The following NUMB variants were observed in gnomAD, a reference collection of about 807,000 sequenced individuals.
NUMB encodes NUMB endocytic adaptor protein, also known as protein numb homolog.
In NUMB, 29 loss-of-function variants were observed where a neutral mutation model predicts 59.7. The observed-to-expected ratio is 0.49, with a 90% CI of 0.36 to 0.66. NUMB has a LOEUF of 0.66. Ranked by LOEUF, NUMB falls within the 30% of genes least tolerant of loss-of-function variation. NUMB has a pLI of 0.00. For synonymous variants in NUMB, 288 were observed against 288.2 expected (o/e 1.00, Z 0.01); for missense variants, 723 against 822.0 (o/e 0.88, Z 1.47).
chr14:73,398,477 A>T (rs561713002), intron 2 of NUMB, among the ~76,000 whole-genome samples: 66 of 151,352 alleles, frequency 4.4e-4, no homozygotes, highest in African/African-American at 1.4e-3. Context: ...AAATATAGCC[A>T]AGGTTAATAG....
chr14:73,367,344 T>TAGAGAGAGAGAGAGAGAG (rs1480182542), intron 2 of NUMB, among the ~76,000 whole-genome samples: 128 of 84,124 alleles, frequency 1.5e-3, no homozygotes, highest in Non-Finnish European at 2.0e-3. Flanking sequence ...TATATATATA[T>TAGAGAGAGAGAGAGAGAG]ATATAGAGAG....
chr14:73,286,078 G>C (rs1158717649), intron 9 of NUMB: 5 of 151,838 alleles, frequency 3.3e-5, no homozygotes, highest in African/African-American at 1.2e-4. Flanking sequence ...CTGGAGGAGT[G>C]CAGTGGTATG....
At chr14:73,451,872 T>G (rs1566804398) in intron 1 of NUMB, among the ~76,000 whole-genome samples, 1 of 152,154 alleles carries the variant, frequency 6.6e-6, no homozygotes, top group Non-Finnish European at 1.5e-5. Flanking sequence ...TGTTCCAAAT[T>G]AACTATAATT....
At chr14:73,282,872 A>G (rs967718313) in intron 10 of NUMB, among the ~76,000 whole-genome samples, 2 of 152,208 alleles carry the variant, frequency 1.3e-5, no homozygotes, top group Admixed American at 1.3e-4. Context: ...ATGCCTTCCA[A>G]CGTGTTCTCA....
rs138998477 is a variant in NUMB at position 73,422,848 on chromosome 14, C to T, written c.-232-12780G>A. ...CACCTCCAACCTGGGAATCACATTT[C>T]AACGTCAGATGTGGAAGGGACAAAC... On this transcript the variant is annotated intron_variant, in intron 1 of 12. Transcript: ENST00000555238. 4.8e-3 allele frequency among the ~76,000 whole-genome samples: 692 copies of T among 144,288 alleles called. 6 individuals carry two copies. Among genetic ancestry groups the T allele is most frequent in the African/African-American group, 0.017 (662 of 38,726 alleles). The allele number at this position is 144,288 out of a possible 152,430, so 94.7% of individuals were successfully genotyped here. A position where few individuals can be genotyped will look rare whatever the true frequency, so the allele number is the denominator to read the frequency against.
In NUMB at chr14:73,316,403, C is replaced by G. The variant is rs746739948; in HGVS notation, c.221G>C (p.Gly74Ala). 9 of 1,613,622 alleles carry G rather than the reference C, an allele frequency of 5.6e-6. No individual in the cohort carries two copies. The highest frequency in any genetic ancestry group is 5.9e-6 in the Non-Finnish European group (7 of 1,179,800). ...RLKAERKFFKGFFGKTGKKAV... is the reference protein window; with the variant it reads ...RLKAERKFFKAFFGKTGKKAV... Reference sequence around the variant, plus strand: ...CATCAAACTTACTTTTCCAAAGAAGCCTTTGAAGAACTTCCTTTCCTGGAG... The same window carrying G: ...CATCAAACTTACTTTTCCAAAGAAGGCTTTGAAGAACTTCCTTTCCTGGAG... The change falls in exon 6 of 13, where the codon GGC becomes GCC. Residue 74 changes from glycine to alanine, a missense_variant. Transcript: ENST00000555238.
chr14:73,357,286 C>T (rs1213440458), intron 3 of NUMB, among the ~76,000 whole-genome samples: 1 of 151,040 alleles, frequency 6.6e-6, no homozygotes, highest in Non-Finnish European at 1.5e-5. Flanking sequence ...ACCTGTGATC[C>T]CAGCTACTCG....
At position 73,352,473 on chromosome 14, in the gene NUMB, CACACATATATATATAT is replaced by C. The variant is rs1893394791; in HGVS notation, c.126+3137_126+3152del. On this transcript the variant is annotated intron_variant, in intron 4 of 12. Coordinates refer to ENST00000555238, the MANE Select transcript of NUMB (RefSeq NM_001005743.2). ...ACACACACACATACACACACACACACACACATATATATATATATATATATATATATATATATATATA... is the reference window on the plus strand; with the variant it reads ...ACACACACACATACACACACACACACATATATATATATATATATATATATA... Among the ~76,000 whole-genome samples, 100 of 20,458 alleles carry C rather than the reference CACACATATATATATAT, an allele frequency of 4.9e-3. 10 individuals are homozygous for C. The highest frequency in any genetic ancestry group is 0.012 in the African/African-American group (74 of 6,236). The allele number at this position is 20,458 out of a possible 152,430, so 13.4% of individuals were successfully genotyped here. A position where few individuals can be genotyped will look rare whatever the true frequency, so the allele number is the denominator to read the frequency against.
At chr14:73,298,726 A>G (rs1396483804) in intron 6 of NUMB, 2 of 152,206 alleles carry the variant, frequency 1.3e-5, no homozygotes, top group African/African-American at 4.8e-5. Flanking sequence ...ATTCTCCTCT[A>G]TAAGTGATCC....
At chr14:73,427,024 A>G (rs964204468) in intron 1 of NUMB, among the ~76,000 whole-genome samples, 16 of 152,168 alleles carry the variant, frequency 1.1e-4, no homozygotes, top group African/African-American at 3.9e-4. Flanking sequence ...TACATTTAAA[A>G]AAATAAAAAA....
At chr14:73,338,877 C>T (rs537024083) in intron 4 of NUMB, among the ~76,000 whole-genome samples, 1 of 152,314 alleles carries the variant, frequency 6.6e-6, no homozygotes, top group Admixed American at 6.5e-5. Context: ...CTCCACTTTA[C>T]ATATAAACAC....
At chr14:73,331,615 C>T (rs1231070397) in intron 4 of NUMB, among the ~76,000 whole-genome samples, 1 of 152,180 alleles carries the variant, frequency 6.6e-6, no homozygotes, top group African/African-American at 2.4e-5. Context: ...CCACCCAAAT[C>T]TCACCTTGAA....
chr14:73,336,176 C>T (rs1383201101), intron 4 of NUMB, among the ~76,000 whole-genome samples: 1 of 152,184 alleles, frequency 6.6e-6, no homozygotes, highest in Non-Finnish European at 1.5e-5. Flanking sequence ...CTAGATCTAT[C>T]TTCTTTCAAC....
chr14:73,447,433 A>G (rs761866477), intron 1 of NUMB, among the ~76,000 whole-genome samples: 5 of 152,082 alleles, frequency 3.3e-5, no homozygotes, highest in Admixed American at 6.6e-5. Context: ...GGTTGCCATG[A>G]GCCGAGATCA....
chr14:73,447,179 C>T (rs1883580901), intron 1 of NUMB, among the ~76,000 whole-genome samples: 1 of 141,382 alleles, frequency 7.1e-6, no homozygotes, highest in African/African-American at 2.7e-5. Context: ...GAGCGAGACT[C>T]CATCTCAAAA....
chr14:73,382,562 G>A (rs1451986042), intron 2 of NUMB, among the ~76,000 whole-genome samples: 1 of 151,990 alleles, frequency 6.6e-6, no homozygotes, highest in Non-Finnish European at 1.5e-5. Context: ...TGGTACCTCT[G>A]AAATACAATA....
chr14:73,292,855 G>T lies in NUMB; in HGVS notation c.329C>A (p.Thr110Lys). Reference sequence around the variant, plus strand: ...GGCACAGAAAGAAACTTTCTCTATCGTCTGGTCAACTATGAGGTCCTAGAA... The same window carrying T: ...GGCACAGAAAGAAACTTTCTCTATCTTCTGGTCAACTATGAGGTCCTAGAA... ...EKTKDLIVDQTIEKVSFCAPD... is the reference protein window; with the variant it reads ...EKTKDLIVDQKIEKVSFCAPD... The change falls in exon 8 of 13, where the codon ACG (threonine) becomes AAG (lysine). Residue 110 changes from threonine (T) to lysine (K), a missense_variant. Thr to Lys is a moderately conservative substitution (Grantham distance 78). Coordinates refer to ENST00000555238, the MANE Select transcript of NUMB (RefSeq NM_001005743.2). 1 of 1,614,146 alleles carries T rather than the reference G, an allele frequency of 6.2e-7. No homozygotes were observed. The highest frequency in any genetic ancestry group is 8.5e-7 in the Non-Finnish European group (1 of 1,180,010).
intron 6 of NUMB, among the ~76,000 whole-genome samples, chr14:73,311,350 G>A (rs544457088): frequency 2.2e-3 from 335 of 152,146 alleles, no homozygotes; most frequent in African/African-American, 7.6e-3. Flanking sequence ...CACCGTGCCC[G>A]GCCACGGCAA....
chr14:73,319,562 T>C (rs1891284018), intron 5 of NUMB, among the ~76,000 whole-genome samples: 1 of 152,116 alleles, frequency 6.6e-6, no homozygotes, highest in African/African-American at 2.4e-5. Context: ...AGCTTTATAA[T>C]CTATAAAAAA....
Sources: gnomAD v4.1 joint callset for allele counts (sites outside exome capture counted in the v4.1 genomes callset) on GRCh38, gnomAD v4.1.1 for gene constraint, MANE v1.5 for transcripts, NCBI Gene and HGNC (gene_info 2026-07-23, HGNC 2026-07-21) for gene names.